The following TMEM63B variants were observed in gnomAD, a reference collection of about 807,000 sequenced individuals.
TMEM63B encodes the protein mechanosensitive cation channel TMEM63B.
A neutral mutation model predicts 102.6 loss-of-function variants in TMEM63B; 23 were observed. The ratio of observed to expected loss-of-function variants is 0.22; its 90% confidence interval spans 0.16 to 0.32. TMEM63B has a LOEUF of 0.32. Ranked by LOEUF, TMEM63B falls within the 10% of genes least tolerant of loss-of-function variation. The pLI, the probability that TMEM63B is intolerant of heterozygous loss-of-function variation, is 1.00. For synonymous variants in TMEM63B, 444 were observed against 437.0 expected (o/e 1.02, Z -0.20); for missense variants, 628 against 1,095.9 (o/e 0.57, Z 6.03).
At chr6:44,151,313 T>G (rs1191779877) in intron 18 of TMEM63B, among the ~76,000 whole-genome samples, 2 of 152,180 alleles carry the variant, frequency 1.3e-5, no homozygotes, top group Admixed American at 6.5e-5. Flanking sequence ...GCACAAACTC[T>G]AGGGGTTTTG....
intron 1 of TMEM63B, chr6:44,134,358 T>A: frequency 1.8e-6 from 1 of 541,776 alleles, no homozygotes; most frequent in Non-Finnish European, 3.2e-6. Flanking sequence ...AGACCCAGGG[T>A]GGGGTCATAG....
Position 44,147,443 on chromosome 6 carries a change from G to T in TMEM63B, c.930G>T (p.Met310Ile), listed in dbSNP as rs1765650031. ...AGAGCAAGGAGAACGTGCCTACCAT[G>T]ATCAACCCCAAGCCCTGTGGCCACC... The part of the protein sequence containing the change: ...NLQSKENVPT[M>I]INPKPCGHLC... Residue 310 changes from methionine to isoleucine, a missense_variant, in exon 12 of 24, where the codon ATG (methionine) becomes ATT (isoleucine). This residue lies in a region of TMEM63B where 336 missense variants were observed against 580.3 expected (regional missense o/e 0.58). Transcript: ENST00000323267. The T allele has an allele frequency of 1.9e-6, 3 of 1,614,068 alleles. No homozygotes were observed. In the South Asian group the frequency reaches 3.3e-5, roughly 18 times the overall value.
At chr6:44,134,775 A>G in intron 2 of TMEM63B, 32 bp downstream of exon 2, 1 of 1,603,960 alleles carries the variant, frequency 6.2e-7, no homozygotes, top group Non-Finnish European at 8.5e-7. Context: ...TTACCTTGGC[A>G]TCCATGCCCT....
chr6:44,154,681 TC>T lies in TMEM63B; in HGVS notation c.2308-9del. On this transcript the variant is annotated splice_polypyrimidine_tract_variant and intron_variant, in intron 23 of 23. Transcript: ENST00000323267. The stretch of plus-strand genomic sequence containing the variant: ...CTGTTCACCTTGCCCCCATTTCCTC[TC>T]CTCCTTCAGAAATACATCGCTCAGG... The T allele has an allele frequency of 2.4e-6, 1 of 410,898 alleles. No individual in the cohort carries two copies. Among genetic ancestry groups the T allele is most frequent in the Non-Finnish European group, 3.4e-6 (1 of 294,272 alleles). The allele number at this position is 410,898 out of a possible 1,614,324, so 25.5% of individuals were successfully genotyped here.
chr6:44,149,136 C>T, intron 15 of TMEM63B, 191 bp downstream of exon 15: 1 of 753,476 alleles, frequency 1.3e-6, no homozygotes, highest in Non-Finnish European at 2.2e-6. Context: ...GAGAGGCCAC[C>T]CTCAGGTGTG....
intron 6 of TMEM63B, chr6:44,138,735 G>GCCCCCCCC: frequency 3.9e-6 from 1 of 259,582 alleles, no homozygotes; most frequent in Non-Finnish European, 7.4e-6. Flanking sequence ...ACCCCCTGCC[G>GCCCCCCCC]GCCCCCCCGC....
chr6:44,136,970 G>A (rs1267078747), intron 5 of TMEM63B, among the ~76,000 whole-genome samples: 13 of 152,264 alleles, frequency 8.5e-5, no homozygotes, highest in South Asian at 2.1e-4. Context: ...GCGTGAACGC[G>A]GGAGGCGGAG....
At chr6:44,133,297 T>C (rs1235062303) in intron 1 of TMEM63B, among the ~76,000 whole-genome samples, 1 of 152,154 alleles carries the variant, frequency 6.6e-6, no homozygotes, top group Non-Finnish European at 1.5e-5. Context: ...TCTTGCCCTG[T>C]GGTTGAAGTG....
In TMEM63B at chr6:44,141,067, G is replaced by A; in HGVS notation, c.751G>A (p.Ala251Thr). ...CTTCATCAATGGAATCTCCAAATAT[G>A]CAGAGTCAGAAAAGATCAAGAAGCA... ...TLFINGISKY[A>T]ESEKIKKHFE... The change falls in exon 10 of 24, where the codon GCA becomes ACA. Residue 251 changes from alanine to threonine, a missense_variant. This residue lies in a region of TMEM63B where 336 missense variants were observed against 580.3 expected (regional missense o/e 0.58). Transcript: ENST00000323267. 1 of 1,613,944 alleles carries A rather than the reference G, an allele frequency of 6.2e-7. No homozygotes were observed. Among genetic ancestry groups the A allele is most frequent in the Non-Finnish European group, 8.5e-7 (1 of 1,179,982 alleles).
At chr6:44,143,627 C>T (rs986037036) in intron 10 of TMEM63B, among the ~76,000 whole-genome samples, 20 of 152,142 alleles carry the variant, frequency 1.3e-4, no homozygotes, top group Admixed American at 1.1e-3. Context: ...CTGCTATGTG[C>T]CTGCTTGGGG....
At chr6:44,149,098 C>T (rs1321741157) in intron 15 of TMEM63B, 153 bp downstream of exon 15, 1 of 1,139,880 alleles carries the variant, frequency 8.8e-7, no homozygotes, top group East Asian at 2.6e-5. Flanking sequence ...GTGCACTTCC[C>T]TTGGGCTCCC....
rs530541187 is a variant in TMEM63B, at chr6:44,144,786, CAG to C, written c.783-2060_783-2059del. On this transcript the variant is annotated intron_variant, in intron 10 of 23. Coordinates refer to ENST00000323267, the MANE Select transcript of TMEM63B (RefSeq NM_018426.3). ...TAATTTTTTTTTCTTTTTTTAGAGA[CAG>C]GGTCTCACTATGTTGCCCAGGCTGG... is the stretch of plus-strand genomic sequence containing the variant. 7.1e-3 allele frequency among the ~76,000 whole-genome samples: 1,075 copies of C among 151,938 alleles called. 6 individuals carry two copies. Among genetic ancestry groups the C allele is most frequent in the Non-Finnish European group, 0.011 (732 of 67,968 alleles).
At chr6:44,130,579 ACAGACATGCAC>A (rs1274548032) in intron 1 of TMEM63B, among the ~76,000 whole-genome samples, 2 of 149,332 alleles carry the variant, frequency 1.3e-5, no homozygotes, top group Non-Finnish European at 3.0e-5. Flanking sequence ...AGCTGGGACT[ACAGACATGCAC>A]CAGCATGCCC....
rs777507781 is a variant in TMEM63B at position 44,154,815 on chromosome 6, G to A, written c.2431G>A (p.Asp811Asn). The A allele has an allele frequency of 8.1e-6, 13 of 1,610,468 alleles. No homozygotes were observed. The highest frequency in any genetic ancestry group is 2.1e-4 in the Middle Eastern group (1 of 4,826). ...SQDEELLMPP[D>N]ALTDTDFQSC... ...AGATGAGGAGTTGCTGATGCCACCC[G>A]ACGCCCTCACGGACACAGACTTCCA... Residue 811 changes from aspartate (D) to asparagine (N), a missense_variant, in exon 24 of 24, where the codon GAC (aspartate) becomes AAC (asparagine). This residue lies in a region of TMEM63B where 129 missense variants were observed against 153.5 expected (regional missense o/e 0.84). Coordinates refer to ENST00000323267, the MANE Select transcript of TMEM63B (RefSeq NM_018426.3).
intron 1 of TMEM63B, among the ~76,000 whole-genome samples, chr6:44,128,501 C>T (rs1378597587): frequency 6.6e-6 from 1 of 152,244 alleles, no homozygotes; most frequent in Non-Finnish European, 1.5e-5. Context: ...CACCTTGTTC[C>T]CCAGAAAAGG....
rs775474178 is a variant in TMEM63B, at chr6:44,148,345, A to G, written c.1081A>G (p.Met361Val). ...GAAGGTGAATGAGAAGCCTCTTGGC[A>G]TGGCCTTTGTCACCTTCCACAATGA... ...KEKVNEKPLG[M>V]AFVTFHNETI... Residue 361 changes from methionine (M) to valine (V), a missense_variant, in exon 13 of 24, where the codon ATG (methionine) becomes GTG (valine). Physicochemically the swap from Met to Val is conservative, Grantham distance 21. Coordinates refer to ENST00000323267, the MANE Select transcript of TMEM63B (RefSeq NM_018426.3). This position sits in a 1 kb window ranked among gnomAD's most constrained non-coding sequence, Gnocchi z 5.1. The G allele has an allele frequency of 6.2e-7, 1 of 1,614,252 alleles. No homozygotes were observed. The highest frequency in any genetic ancestry group is 8.5e-7 in the Non-Finnish European group (1 of 1,180,042).
intron 1 of TMEM63B, among the ~76,000 whole-genome samples, chr6:44,132,076 T>A (rs539535951): frequency 6.6e-6 from 1 of 152,214 alleles, no homozygotes; most frequent in Admixed American, 6.5e-5. Context: ...AGCAGCCCTG[T>A]CAACTGGCAG....
upstream of TMEM63B, chr6:44,127,168 A>ACCCCCCTCCCAGTCGGGACC (rs1777212011): frequency 2.5e-5 from 2 of 79,416 alleles, no homozygotes; most frequent in South Asian, 4.5e-4. Context: ...CCCCGTCGGG[A>ACCCCCCTCCCAGTCGGGACC]CCCCCCTCCC....
At chr6:44,147,887 G>T (rs1765751605) in intron 12 of TMEM63B, among the ~76,000 whole-genome samples, 1 of 152,182 alleles carries the variant, frequency 6.6e-6, no homozygotes, top group African/African-American at 2.4e-5. Context: ...ACTTTGTGAG[G>T]CTGAAGCAGG....
Sources: allele counts gnomAD v4.1 joint callset (sites outside exome capture counted in the v4.1 genomes callset), GRCh38; gene constraint gnomAD v4.1.1; regional missense constraint gnomAD v4.1.1; non-coding constraint Gnocchi (gnomAD v3.1); transcripts MANE v1.5; gene names NCBI Gene and HGNC (gene_info 2026-07-23, HGNC 2026-07-21).